PYGB: variants seen among roughly 807,000 people sequenced by gnomAD.
PYGB encodes the protein glycogen phosphorylase B.
PYGB carries 82 observed loss-of-function variants against 94.3 expected under a neutral mutation model. The observed-to-expected ratio is 0.87, with a 90% CI of 0.73 to 1.04. The LOEUF is 1.04. PYGB is among the 50% of genes least tolerant of loss of function. The pLI is 0.00. For synonymous variants in PYGB, 488 were observed against 479.1 expected (o/e 1.02, Z -0.24); for missense variants, 1,132 against 1,158.2 (o/e 0.98, Z 0.33).
chr20:25,297,134 C>T lies in PYGB; in HGVS notation c.*612C>T, dbSNP rs994497387. On this transcript the variant is annotated 3_prime_UTR_variant, in exon 20 of 20. Transcript: ENST00000216962. Reference sequence around the variant, plus strand: ...GGTCATGGACCCAGATGGGGCTTTCCCTTTGTAGCCATCCAATGGGCATTG... The same window carrying T: ...GGTCATGGACCCAGATGGGGCTTTCTCTTTGTAGCCATCCAATGGGCATTG... 1 of 153,286 alleles carries T rather than the reference C, an allele frequency of 6.5e-6. No individual in the cohort carries two copies. Among genetic ancestry groups the T allele is most frequent in the Non-Finnish European group, 1.5e-5 (1 of 68,830 alleles). The allele number at this position is 153,286 out of a possible 1,614,324, so 9.5% of individuals were successfully genotyped here. A position where few individuals can be genotyped will look rare whatever the true frequency, so the allele number is the denominator to read the frequency against.
Position 25,255,495 on chromosome 20 carries a change from T to A in PYGB, c.244-3742T>A, listed in dbSNP as rs1464694245. Among the ~76,000 whole-genome samples, 4 of 152,318 alleles carry A rather than the reference T, an allele frequency of 2.6e-5. No homozygotes were observed. In the East Asian group the frequency reaches 5.8e-4, roughly 22 times the overall value. ...CAGTGGCCTGTGTTCCTGTGTCTTA[T>A]CAGGGCCAGCTCTGTCCATAGTGCC... On this transcript the variant is annotated intron_variant, in intron 1 of 19. Coordinates refer to ENST00000216962, the MANE Select transcript of PYGB (RefSeq NM_002862.4).
intron 7 of PYGB, among the ~76,000 whole-genome samples, chr20:25,277,727 G>A (rs1193863466): frequency 1.3e-5 from 2 of 152,232 alleles, no homozygotes; most frequent in Non-Finnish European, 1.5e-5. Flanking sequence ...GGACCGTAGC[G>A]CCTACTTGGC....
intron 1 of PYGB, 100 bp from the exon 2 acceptor site, chr20:25,259,137 T>C: frequency 9.4e-7 from 1 of 1,068,100 alleles, no homozygotes; most frequent in East Asian, 2.4e-5. Flanking sequence ...ATAAATGAAA[T>C]CCCGAGTGGG....
chr20:25,259,074 C>A (rs559879160), intron 1 of PYGB, among the ~76,000 whole-genome samples, 163 bp from the exon 2 acceptor site: 4 of 152,286 alleles, frequency 2.6e-5, no homozygotes, highest in South Asian at 2.1e-4. Context: ...TTGGGGGCTG[C>A]GGTCAGCAGG....
intron 4 of PYGB, among the ~76,000 whole-genome samples, chr20:25,272,169 C>A (rs773668842): frequency 6.6e-6 from 1 of 152,190 alleles, no homozygotes; most frequent in Non-Finnish European, 1.5e-5. Flanking sequence ...CTATTCCATT[C>A]GGTTAGAAAA....
chr20:25,294,176 C>G lies in PYGB; in HGVS notation c.2196C>G (p.Tyr732Ter). 7 of 1,613,868 alleles carry G rather than the reference C, an allele frequency of 4.3e-6. No individual in the cohort carries two copies. The highest frequency in any genetic ancestry group is 5.9e-6 in the Non-Finnish European group (7 of 1,180,022). ...CTCACAGGTACAATGCCAGGGAGTA[C>G]TACGACCACCTGCCCGAGCTGAAGC... ...LDRKGYNARE[Y>*]YDHLPELKQA... The change falls in exon 18 of 20, where the codon TAC (tyrosine) becomes TAG (stop). Residue 732 changes from tyrosine (Y) to a stop codon, truncating the protein, a stop_gained. Coordinates refer to ENST00000216962, the MANE Select transcript of PYGB (RefSeq NM_002862.4). LOFTEE classifies it high-confidence loss of function.
At chr20:25,261,986 G>T (rs1241624379) in intron 2 of PYGB, among the ~76,000 whole-genome samples, 2 of 152,180 alleles carry the variant, frequency 1.3e-5, no homozygotes, top group African/African-American at 2.4e-5. Flanking sequence ...TATGTGAAGA[G>T]ACCAATCTAC....
intron 15 of PYGB, 178 bp downstream of exon 15, chr20:25,288,661 T>TAC: frequency 1.4e-6 from 1 of 703,664 alleles, no homozygotes; most frequent in South Asian, 1.9e-5. Flanking sequence ...CAGAATGGGA[T>TAC]GGAAGCCTCC....
Position 25,254,627 on chromosome 20 carries a change from A to G in PYGB, c.244-4610A>G, listed in dbSNP as rs185143925. 2.1e-3 allele frequency among the ~76,000 whole-genome samples: 325 copies of G among 152,338 alleles called. 2 individuals carry two copies. Among genetic ancestry groups the G allele is most frequent in the African/African-American group, 7.3e-3 (303 of 41,576 alleles). On this transcript the variant is annotated intron_variant, in intron 1 of 19. Coordinates refer to ENST00000216962, the MANE Select transcript of PYGB (RefSeq NM_002862.4). ...GGTAAGTGGCATTTCTCGGCCTACA[A>G]ACAGTTAAAATGAAAGATTAAAGTA...
intron 2 of PYGB, among the ~76,000 whole-genome samples, chr20:25,268,810 T>C (rs1327859491): frequency 6.6e-6 from 1 of 152,266 alleles, no homozygotes; most frequent in African/African-American, 2.4e-5. Context: ...TAGGTTTTAG[T>C]TTAAAAATAT....
chr20:25,294,120 G>A, intron 17 of PYGB, 38 bp from the exon 18 acceptor site: 1 of 1,607,326 alleles, frequency 6.2e-7, no homozygotes. Flanking sequence ...GGCCCACCTG[G>A]GGCGCTGGCT....
chr20:25,280,169 T>C, intron 9 of PYGB, 97 bp from the exon 10 acceptor site: 1 of 1,443,988 alleles, frequency 6.9e-7, no homozygotes, highest in Non-Finnish European at 9.5e-7. Flanking sequence ...GTACCCAGCA[T>C]CTGCCTGGGA....
intron 15 of PYGB, among the ~76,000 whole-genome samples, chr20:25,289,323 C>T (rs540147638): frequency 2.6e-5 from 4 of 152,322 alleles, no homozygotes; most frequent in South Asian, 2.1e-4. Flanking sequence ...CATAGAGATA[C>T]GGAGTTCGAA....
intron 14 of PYGB, chr20:25,285,486 G>T (rs1217971623): frequency 2.0e-5 from 3 of 151,906 alleles, no homozygotes; most frequent in East Asian, 3.9e-4. Context: ...GTCGTCAGTT[G>T]TTGCATCGTC....
chr20:25,279,825 G>T (rs951688085), intron 9 of PYGB, among the ~76,000 whole-genome samples: 3 of 152,172 alleles, frequency 2.0e-5, no homozygotes, highest in East Asian at 1.9e-4. Context: ...TGCACTCCAG[G>T]TGAGGCTGTA....
chr20:25,289,358 A>G (rs2088445503), intron 15 of PYGB, among the ~76,000 whole-genome samples: 1 of 152,244 alleles, frequency 6.6e-6, no homozygotes, highest in African/African-American at 2.4e-5. Context: ...TATTATGAAA[A>G]TTTTAGGCTG....
rs147900347 is a variant in PYGB, at chr20:25,272,460, C to T, written c.528+974C>T. Among the ~76,000 whole-genome samples the T allele has an allele frequency of 2.0e-4, 31 of 152,308 alleles. No homozygotes were observed. The East Asian group carries it at 4.8e-3, about 24-fold the overall frequency. On this transcript the variant is annotated intron_variant, in intron 4 of 19. Transcript: ENST00000216962. ...GAGCTGCTGTCCATGACACGCACAG[C>T]GATGCGTTTAGTGGGAATGTGGACT...
chr20:25,270,457 C>T (rs1376441465), intron 3 of PYGB, among the ~76,000 whole-genome samples: 4 of 152,080 alleles, frequency 2.6e-5, no homozygotes, highest in Non-Finnish European at 5.9e-5. Flanking sequence ...CCGCCTCAGC[C>T]TCCTAAAGTG....
intron 1 of PYGB, among the ~76,000 whole-genome samples, chr20:25,258,662 T>C (rs1234885545): frequency 6.6e-6 from 1 of 152,224 alleles, no homozygotes; most frequent in Non-Finnish European, 1.5e-5. Context: ...GGCATAGAGC[T>C]GGCTCATGTG....
Sources: gnomAD v4.1 joint callset for allele counts (sites outside exome capture counted in the v4.1 genomes callset) on GRCh38, gnomAD v4.1.1 for gene constraint, MANE v1.5 for transcripts, NCBI Gene and HGNC (gene_info 2026-07-23, HGNC 2026-07-21) for gene names.